MVB12B: variants seen among roughly 807,000 people sequenced by gnomAD.
MVB12B encodes ESCRT-I complex subunit MVB12B.
MVB12B carries 16 observed loss-of-function variants against 41.6 expected under a neutral mutation model. The ratio of observed to expected loss-of-function variants is 0.38; its 90% CI spans 0.26 to 0.58. The LOEUF (loss-of-function observed/expected upper bound fraction) is 0.58, where lower values mean the gene tolerates loss of function less well. Ranked by LOEUF, MVB12B falls within the 20% of genes least tolerant of loss-of-function variation. The pLI, the probability that MVB12B is intolerant of heterozygous loss-of-function variation, is 0.62. For missense variants in MVB12B, 274 were observed against 380.2 expected (o/e 0.72, Z 2.32); for synonymous variants, 133 against 139.7 (o/e 0.95, Z 0.34).
At chr9:126,328,912 A>G (rs373439832) in intron 1 of MVB12B, among the ~76,000 whole-genome samples, 2 of 152,146 alleles carry the variant, frequency 1.3e-5, no homozygotes, top group African/African-American at 4.8e-5. Flanking sequence ...CCTCCCAAGT[A>G]TAGGTGCCTG....
chr9:126,495,160 C>A (rs1371582859), intron 9 of MVB12B, among the ~76,000 whole-genome samples: 1 of 146,378 alleles, frequency 6.8e-6, no homozygotes, highest in African/African-American at 2.6e-5. Context: ...CCACTGCACT[C>A]CAGCCTGGGT....
Position 126,392,005 on chromosome 9 carries a change from C to T in MVB12B, c.410-61C>T, listed in dbSNP as rs1340341623. The T allele has an allele frequency of 1.3e-6, 2 of 1,595,428 alleles. No individual in the cohort carries two copies. The highest frequency in any genetic ancestry group is 1.7e-6 in the Non-Finnish European group (2 of 1,164,424). On this transcript the variant is annotated intron_variant, in intron 4 of 9. Transcript: ENST00000361171. This position sits in a 1 kb window ranked among gnomAD's most constrained non-coding sequence, Gnocchi z 4.8. ...AGGGCGTGACAGGGGATGTGGTTTT[C>T]AGAATAGAGATTCTGGTATCTCTGG...
chr9:126,397,192 C>G (rs1831141560), intron 6 of MVB12B: 1 of 985,390 alleles, frequency 1.0e-6, no homozygotes, highest in African/African-American at 1.7e-5. Context: ...CTGCTGACAT[C>G]ATGTGGTCTA....
chr9:126,503,423 C>T lies in MVB12B; in HGVS notation c.*160C>T. The T allele has an allele frequency of 3.2e-6, 2 of 623,974 alleles. No homozygotes were observed. Among genetic ancestry groups the T allele is most frequent in the Non-Finnish European group, 5.6e-6 (2 of 357,246 alleles). 38.7% of individuals were successfully genotyped at this position (623,974 alleles called of 1,614,324 possible). ...GGGCAGCTAAGTGGGCGCATCCTGT[C>T]TTCAGCTGGCCTCACTGACACCCCG... On this transcript the variant is annotated 3_prime_UTR_variant, in exon 10 of 10. Coordinates refer to ENST00000361171, the MANE Select transcript of MVB12B (RefSeq NM_033446.3).
At chr9:126,409,781 GT>G (rs1831574670) in intron 6 of MVB12B, among the ~76,000 whole-genome samples, 1 of 152,200 alleles carries the variant, frequency 6.6e-6, no homozygotes, top group Non-Finnish European at 1.5e-5. Flanking sequence ...TAGTAATTGT[GT>G]AAGTCTTCCA....
chr9:126,469,145 C>T (rs1196898978), intron 7 of MVB12B, among the ~76,000 whole-genome samples: 1 of 152,180 alleles, frequency 6.6e-6, no homozygotes, highest in African/African-American at 2.4e-5. Flanking sequence ...CACTGCACTT[C>T]AGCCTGGGTG....
Position 126,478,323 on chromosome 9 carries a change from T to C in MVB12B, c.758-3046T>C, listed in dbSNP as rs1833458054. Among the ~76,000 whole-genome samples the C allele has an allele frequency of 6.6e-6, 1 of 152,110 alleles. No individual in the cohort carries two copies. The highest frequency in any genetic ancestry group is 2.1e-4 in the South Asian group (1 of 4,816). On this transcript the variant is annotated intron_variant, in intron 7 of 9. Coordinates refer to ENST00000361171, the MANE Select transcript of MVB12B (RefSeq NM_033446.3). The surrounding 1 kb of genome is among the most constrained non-coding windows in gnomAD (Gnocchi z 4.2). The stretch of plus-strand genomic sequence containing the variant: ...AGAGAGTTAGGCACTTGCCCCAGGC[T>C]GGAGCCCTCTACCCAGTTCCCCAGA...
intron 2 of MVB12B, among the ~76,000 whole-genome samples, chr9:126,342,058 C>T (rs1490244427): frequency 6.6e-6 from 1 of 152,246 alleles, no homozygotes; most frequent in Non-Finnish European, 1.5e-5. Flanking sequence ...GAATGTATAA[C>T]TTTCCATAAA....
chr9:126,503,248 G>A lies in MVB12B; in HGVS notation c.945G>A (p.Gln315=). 4 of 1,550,352 alleles carry A rather than the reference G, an allele frequency of 2.6e-6. No individual in the cohort carries two copies. Among genetic ancestry groups the A allele is most frequent in the Non-Finnish European group, 3.5e-6 (4 of 1,146,886 alleles). ...RLPPSPTRCQ[Q]IPQS ...CGCCCAGCCCCACCAGGTGTCAGCA[G>A]ATCCCGCAGTCCTGAGGAGCCAGCG... The change falls in exon 10 of 10, where the codon CAG becomes CAA. Residue 315 remains glutamine, a synonymous_variant. Coordinates refer to ENST00000361171, the MANE Select transcript of MVB12B (RefSeq NM_033446.3).
At chr9:126,496,372 C>T (rs1305181943) in intron 9 of MVB12B, among the ~76,000 whole-genome samples, 1 of 146,828 alleles carries the variant, frequency 6.8e-6, no homozygotes, top group Non-Finnish European at 1.5e-5. Flanking sequence ...TGCCCATCCA[C>T]TCAGCCACTA....
In MVB12B at chr9:126,400,551, C is replaced by G. The variant is rs566050229; in HGVS notation, c.662+4854C>G. Reference sequence around the variant, plus strand: ...CCCACCTACAGAAATTCAGGTTCGGCAGAACTACGTGTTAGGGTCACAGAC... The same window carrying G: ...CCCACCTACAGAAATTCAGGTTCGGGAGAACTACGTGTTAGGGTCACAGAC... On this transcript the variant is annotated intron_variant, in intron 6 of 9. Transcript: ENST00000361171. 9.5e-4 allele frequency among the ~76,000 whole-genome samples: 145 copies of G among 152,298 alleles called. 1 individual carries two copies. The highest frequency in any genetic ancestry group is 3.4e-3 in the Middle Eastern group (1 of 294).
Position 126,376,816 on chromosome 9 carries a change from C to T in MVB12B, c.205-4248C>T, listed in dbSNP as rs1830493550. 2.0e-5 allele frequency among the ~76,000 whole-genome samples: 3 copies of T among 152,150 alleles called. No homozygotes were observed. In the South Asian group the frequency reaches 6.2e-4, roughly 31 times the overall value. On this transcript the variant is annotated intron_variant, in intron 2 of 9. Coordinates refer to ENST00000361171, the MANE Select transcript of MVB12B (RefSeq NM_033446.3). This position sits in a 1 kb window ranked among gnomAD's most constrained non-coding sequence, Gnocchi z 4.1. ...GCTGGGTTCCTTTCTGCAGAAGATA[C>T]ACCTGAAACTGGGGTGGGCACCTGG...
At chr9:126,481,090 G>T in intron 7 of MVB12B, 1 of 454,424 alleles carries the variant, frequency 2.2e-6, no homozygotes, top group Non-Finnish European at 3.9e-6. Context: ...GGAGAGTAGG[G>T]GTTCTGGACC....
intron 9 of MVB12B, among the ~76,000 whole-genome samples, chr9:126,487,779 A>AT (rs964659518): frequency 2.2e-4 from 33 of 152,178 alleles, no homozygotes; most frequent in African/African-American, 4.1e-4. Context: ...AAAAAAAAAA[A>AT]AAAATAACAA....
intron 7 of MVB12B, among the ~76,000 whole-genome samples, chr9:126,427,472 G>A (rs927645505): frequency 2.6e-5 from 4 of 152,022 alleles, no homozygotes; most frequent in Non-Finnish European, 5.9e-5. Flanking sequence ...AACCTAGGAG[G>A]GTTTTTTGTC....
chr9:126,387,719 G>T (rs551471912), intron 4 of MVB12B, among the ~76,000 whole-genome samples: 4 of 152,112 alleles, frequency 2.6e-5, no homozygotes, highest in Non-Finnish European at 4.4e-5. Context: ...TGCATTTACT[G>T]TATGTTCACC....
At chr9:126,380,734 C>T (rs1470000065) in intron 2 of MVB12B, among the ~76,000 whole-genome samples, 3 of 152,342 alleles carry the variant, frequency 2.0e-5, no homozygotes, top group South Asian at 2.1e-4. Context: ...ACCATCCCCC[C>T]GAGTAAGTGG....
intron 7 of MVB12B, among the ~76,000 whole-genome samples, chr9:126,466,165 C>G (rs1417745558): frequency 6.6e-6 from 1 of 152,232 alleles, no homozygotes; most frequent in African/African-American, 2.4e-5. Flanking sequence ...CTGGGTCAAC[C>G]TGGCTGCAGC....
chr9:126,433,714 C>T (rs1832388781), intron 7 of MVB12B, among the ~76,000 whole-genome samples: 1 of 152,164 alleles, frequency 6.6e-6, no homozygotes, highest in Admixed American at 6.5e-5. Context: ...TGAGCCATTG[C>T]AGCCCGTGAG....
Sources: gnomAD v4.1 joint callset for allele counts (sites outside exome capture counted in the v4.1 genomes callset) on GRCh38, gnomAD v4.1.1 for gene constraint, Gnocchi (gnomAD v3.1) non-coding constraint, MANE v1.5 for transcripts, NCBI Gene and HGNC (gene_info 2026-07-23, HGNC 2026-07-21) for gene names.